Variants in TBX5 observed in about 807,000 individuals in gnomAD.
TBX5 encodes the protein T-box transcription factor TBX5.
In TBX5, 8 loss-of-function variants were observed where a neutral mutation model predicts 51.1. The observed-to-expected ratio is 0.16, with a 90% CI of 0.09 to 0.28. The LOEUF is 0.28. Among genes scored for constraint, TBX5 ranks in the 10% least tolerant of loss-of-function variants. The pLI is 1.00. For synonymous variants in TBX5, 302 were observed against 266.4 expected (o/e 1.13, Z -1.30); for missense variants, 589 against 671.7 (o/e 0.88, Z 1.36).
intron 6 of TBX5, among the ~76,000 whole-genome samples, chr12:114,391,851 A>T (rs1003732653): frequency 6.6e-6 from 1 of 152,162 alleles, no homozygotes; most frequent in Non-Finnish European, 1.5e-5. Context: ...CCTGCACTTG[A>T]CTGGGAAAGT....
intron 5 of TBX5, 52 bp downstream of exon 5, chr12:114,398,519 AGG>A: frequency 6.3e-7 from 1 of 1,591,510 alleles, no homozygotes; most frequent in Non-Finnish European, 8.6e-7. Flanking sequence ...AGTGAGAAGA[AGG>A]GAGAGAGGAC....
At position 114,355,582 on chromosome 12, in the gene TBX5, G is replaced by C; in HGVS notation, c.1507C>G (p.His503Asp). The change falls in exon 9 of 9, where the codon CAC (histidine) becomes GAC (aspartate). Residue 503 changes from histidine to aspartate, a missense_variant. Transcript: ENST00000405440. Reference protein sequence around the residue: ...VPRTLSPHQYHSVHGVGMVPE... With the variant: ...VPRTLSPHQYDSVHGVGMVPE... ...ACCATGCCAACTCCGTGCACAGAGT[G>C]GTACTGATGAGGGGATAGAGTCCTT... 6.2e-7 allele frequency: 1 copy of C among 1,614,192 alleles called. No individual in the cohort carries two copies. The highest frequency in any genetic ancestry group is 8.5e-7 in the Non-Finnish European group (1 of 1,180,050).
At chr12:114,374,588 G>C (rs1221088304) in intron 7 of TBX5, among the ~76,000 whole-genome samples, 3 of 152,210 alleles carry the variant, frequency 2.0e-5, no homozygotes, top group Non-Finnish European at 4.4e-5. Context: ...ATTGCCTCTG[G>C]TGAAGAGAAG....
At chr12:114,405,230 G>C (rs1872130179) in intron 1 of TBX5, among the ~76,000 whole-genome samples, 2 of 152,182 alleles carry the variant, frequency 1.3e-5, no homozygotes, top group Admixed American at 1.3e-4. Context: ...CCTCGTTCTC[G>C]GGGCTTCAGG....
At chr12:114,370,183 A>T (rs1869777490) in intron 7 of TBX5, among the ~76,000 whole-genome samples, 2 of 151,534 alleles carry the variant, frequency 1.3e-5, no homozygotes, top group Admixed American at 6.6e-5. Flanking sequence ...ATGAGCCAAG[A>T]TAGCACCATT....
chr12:114,384,386 C>T (rs1032550915), intron 7 of TBX5, among the ~76,000 whole-genome samples: 1 of 152,082 alleles, frequency 6.6e-6, no homozygotes, highest in African/African-American at 2.4e-5. Context: ...AGAAATCCTC[C>T]TGCCTCGGCC....
intron 5 of TBX5, among the ~76,000 whole-genome samples, chr12:114,395,853 G>T (rs1871384901): frequency 6.6e-6 from 1 of 152,134 alleles, no homozygotes. Flanking sequence ...AGGACTTCCA[G>T]GCTGCACGTT....
At chr12:114,400,554 C>A (rs1026628812) in intron 3 of TBX5, among the ~76,000 whole-genome samples, 3 of 152,196 alleles carry the variant, frequency 2.0e-5, no homozygotes, top group Non-Finnish European at 4.4e-5. Context: ...TCAGCGATGG[C>A]GGGAACGGTC....
chr12:114,365,977 G>C, intron 8 of TBX5, 188 bp downstream of exon 8: 1 of 709,938 alleles, frequency 1.4e-6, no homozygotes, highest in Non-Finnish European at 2.5e-6. Context: ...CTGGGGGTAG[G>C]AACATGTCAA....
At chr12:114,401,031 C>G (rs1420913552) in intron 3 of TBX5, among the ~76,000 whole-genome samples, 1 of 152,100 alleles carries the variant, frequency 6.6e-6, no homozygotes, top group East Asian at 1.9e-4. Context: ...GCGGAAGACC[C>G]GTCCAGCACG....
At position 114,356,990 on chromosome 12, in the gene TBX5, C is replaced by CGATGGATGGATGGATG. The variant is rs60572224; in HGVS notation, c.983-900_983-885dup. Among the ~76,000 whole-genome samples, 271 of 143,318 alleles carry CGATGGATGGATGGATG rather than the reference C, an allele frequency of 1.9e-3. 1 individual carries two copies. The highest frequency in any genetic ancestry group is 6.6e-3 in the African/African-American group (264 of 39,962). 94.0% of individuals were successfully genotyped at this position (143,318 alleles called of 152,430 possible). ...AGAAAGCATGCAATAAATATTTGTA[C>CGATGGATGGATGGATG]GATGGATGGATGGATGGATGGATGG... On this transcript the variant is annotated intron_variant, in intron 8 of 8. Transcript: ENST00000405440.
At chr12:114,366,949 C>A (rs1409253973) in intron 7 of TBX5, among the ~76,000 whole-genome samples, 4 of 152,136 alleles carry the variant, frequency 2.6e-5, no homozygotes, top group African/African-American at 9.7e-5. Flanking sequence ...GTCCTTGTGG[C>A]CACTGATATA....
intron 3 of TBX5, among the ~76,000 whole-genome samples, chr12:114,401,086 G>A (rs1871784658): frequency 6.6e-6 from 1 of 152,094 alleles, no homozygotes; most frequent in African/African-American, 2.4e-5. Flanking sequence ...GCGCGCGCGT[G>A]CACATGCTCA....
intron 7 of TBX5, among the ~76,000 whole-genome samples, chr12:114,381,636 C>T (rs1392776607): frequency 6.6e-6 from 1 of 152,210 alleles, no homozygotes; most frequent in African/African-American, 2.4e-5. Flanking sequence ...CTATGCCCCT[C>T]CTGCAGATGA....
intron 7 of TBX5, among the ~76,000 whole-genome samples, chr12:114,382,972 G>A (rs1431929834): frequency 9.4e-6 from 1 of 105,926 alleles, no homozygotes; most frequent in Non-Finnish European, 2.0e-5. Context: ...GTGAGACCCT[G>A]TCTCCAAAAA....
At chr12:114,371,214 T>C (rs1565929856) in intron 7 of TBX5, among the ~76,000 whole-genome samples, 1 of 152,180 alleles carries the variant, frequency 6.6e-6, no homozygotes, top group Non-Finnish European at 1.5e-5. Context: ...TGCTCTCTGC[T>C]GTATCAAGCA....
At chr12:114,377,930 G>T (rs1757287599) in intron 7 of TBX5, among the ~76,000 whole-genome samples, 2 of 152,040 alleles carry the variant, frequency 1.3e-5, no homozygotes, top group Admixed American at 6.6e-5. Context: ...CTGGAGCTGA[G>T]TCATGGGTGG....
Position 114,355,842 on chromosome 12 carries a change from T to TGGTAGGGTA in TBX5, c.1246_1247insTACCCTACC (p.Val415_Gln416insLeuProTyr). On this transcript the variant is annotated inframe_insertion, in exon 9 of 9. Transcript: ENST00000405440. ...CTGGTAGGGTAGCCTGTCCATGGGC[T>TGGTAGGGTA]GCACGGTGGTGACGGTGCAGCTGCT... The TGGTAGGGTA allele has an allele frequency of 6.2e-7, 1 of 1,613,962 alleles. No homozygotes were observed. Among genetic ancestry groups the TGGTAGGGTA allele is most frequent in the Non-Finnish European group, 8.5e-7 (1 of 1,180,032 alleles).
chr12:114,382,064 C>T (rs1870533798), intron 7 of TBX5, among the ~76,000 whole-genome samples: 1 of 152,220 alleles, frequency 6.6e-6, no homozygotes, highest in Non-Finnish European at 1.5e-5. Context: ...GTTAGGACAG[C>T]CAATTCAGGC....
Sources: gnomAD v4.1 joint callset for allele counts (sites outside exome capture counted in the v4.1 genomes callset) on GRCh38, gnomAD v4.1.1 for gene constraint, MANE v1.5 for transcripts, NCBI Gene and HGNC (gene_info 2026-07-23, HGNC 2026-07-21) for gene names.